PIK3R2: variants seen among roughly 807,000 people sequenced by gnomAD.
The protein encoded by PIK3R2 is phosphatidylinositol 3-kinase regulatory subunit beta.
PIK3R2 carries 40 observed loss-of-function variants against 78.5 expected under a neutral mutation model. The observed-to-expected ratio is 0.51, with a 90% confidence interval of 0.40 to 0.66. The LOEUF (loss-of-function observed/expected upper bound fraction) is 0.66, where lower values mean the gene tolerates loss of function less well. Among genes scored for constraint, PIK3R2 ranks in the 30% least tolerant of loss-of-function variants. The pLI, the probability that PIK3R2 is intolerant of heterozygous loss-of-function variation, is 0.00. For synonymous variants in PIK3R2, 473 were observed against 457.7 expected, an observed-to-expected ratio of 1.03 and a Z score of -0.43; for missense variants, 880 against 1,026.6, an observed-to-expected ratio of 0.86 and a Z score of 1.95.
In PIK3R2 at chr19:18,167,421, G is replaced by A. The variant is rs961792447; in HGVS notation, c.1736+115G>A. ...CACCAAGTGGCCCTTCCTGGGCCCC[G>A]AGACCCCTTAAACTCGGTTCCTCCC... is the stretch of plus-strand genomic sequence containing the variant. On this transcript the variant is annotated intron_variant, in intron 13 of 15. Coordinates refer to ENST00000222254, the MANE Select transcript of PIK3R2 (RefSeq NM_005027.4). This position sits in a 1 kb window ranked among gnomAD's most constrained non-coding sequence, Gnocchi z 4.5. 5.2e-5 allele frequency: 46 copies of A among 891,272 alleles called. No individual in the cohort carries two copies. Among genetic ancestry groups the A allele is most frequent in the African/African-American group, 3.0e-4 (17 of 56,978 alleles). 55.2% of individuals were successfully genotyped at this position (891,272 alleles called of 1,614,324 possible).
Position 18,167,438 on chromosome 19 carries a change from G to T in PIK3R2, c.1736+132G>T. 2.9e-6 allele frequency: 2 copies of T among 699,664 alleles called. No individual in the cohort carries two copies. The highest frequency in any genetic ancestry group is 4.3e-6 in the Non-Finnish European group (2 of 460,522). 43.3% of individuals were successfully genotyped at this position (699,664 alleles called of 1,614,324 possible). A position where few individuals can be genotyped will look rare whatever the true frequency, so the allele number is the denominator to read the frequency against. ...TGGGCCCCGAGACCCCTTAAACTCG[G>T]TTCCTCCCGGGCCCCTTGAAAGTTT... On this transcript the variant is annotated intron_variant, in intron 13 of 15. Coordinates refer to ENST00000222254, the MANE Select transcript of PIK3R2 (RefSeq NM_005027.4). This position sits in a 1 kb window ranked among gnomAD's most constrained non-coding sequence, Gnocchi z 4.5.
chr19:18,160,409 A>G, intron 2 of PIK3R2, 62 bp from the exon 3 acceptor site: 1 of 1,015,410 alleles, frequency 9.8e-7, no homozygotes, highest in Non-Finnish European at 1.6e-6. Context: ...GCCAGCAAAG[A>G]GAGGGGCTGG....
intron 2 of PIK3R2, among the ~76,000 whole-genome samples, chr19:18,159,931 A>G (rs2043723676): frequency 6.6e-6 from 1 of 152,046 alleles, no homozygotes; most frequent in South Asian, 2.1e-4. Flanking sequence ...TAGTAGAGAC[A>G]GGTTCGCCAT....
chr19:18,158,490 C>CAA (rs34121357), intron 2 of PIK3R2, among the ~76,000 whole-genome samples: 6 of 139,808 alleles, frequency 4.3e-5, no homozygotes, highest in Admixed American at 7.2e-5. Context: ...GACTCCATCT[C>CAA]AAAAAAACAA....
rs1226736150 is a variant in PIK3R2, at chr19:18,156,598, G to A, written c.322+397G>A. On this transcript the variant is annotated intron_variant, in intron 2 of 15. Coordinates refer to ENST00000222254, the MANE Select transcript of PIK3R2 (RefSeq NM_005027.4). This position sits in a 1 kb window ranked among gnomAD's most constrained non-coding sequence, Gnocchi z 4.2. ...TGCGCTGGCATGGAGGACTTAGTGG[G>A]ATTGATTTTGAGGACAATGGAGAGT... Among the ~76,000 whole-genome samples the A allele has an allele frequency of 6.6e-6, 1 of 152,174 alleles. No homozygotes were observed. Among genetic ancestry groups the A allele is most frequent in the Non-Finnish European group, 1.5e-5 (1 of 68,022 alleles).
Position 18,155,462 on chromosome 19 carries a change from C to T in PIK3R2, c.-418C>T, listed in dbSNP as rs952383348. On this transcript the variant is annotated 5_prime_UTR_variant, in exon 2 of 16. Transcript: ENST00000222254. ...CCCTATCCCTGTCTCCCTAGGTCGG[C>T]GTCCTCAGCTGGCCGAGCATGGTGG... is the stretch of plus-strand genomic sequence containing the variant. 17 of 408,320 alleles carry T rather than the reference C, an allele frequency of 4.2e-5. No individual in the cohort carries two copies. Among genetic ancestry groups the T allele is most frequent in the African/African-American group, 4.1e-5 (2 of 48,660 alleles). The allele number at this position is 408,320 out of a possible 1,614,324, so 25.3% of individuals were successfully genotyped here.
At chr19:18,164,203 C>T (rs2043783502) in intron 11 of PIK3R2, among the ~76,000 whole-genome samples, 1 of 152,106 alleles carries the variant, frequency 6.6e-6, no homozygotes, top group African/African-American at 2.4e-5. Flanking sequence ...ATGAGAAGGG[C>T]CCAACCAGCC....
In PIK3R2 at chr19:18,161,409, C is replaced by A; in HGVS notation, c.729C>A (p.Val243=). The A allele has an allele frequency of 8.2e-7, 1 of 1,215,344 alleles. No homozygotes were observed. The highest frequency in any genetic ancestry group is 3.6e-5 in the South Asian group (1 of 27,708). 75.3% of individuals were successfully genotyped at this position (1,215,344 alleles called of 1,614,324 possible). ...GCGCCCCGGCCCTGGGTCCCGCGGT[C>A]CGGGCCCTGGGCGCCACCTTTGGGC... The part of the protein sequence containing the change: ...ASRAPALGPA[V]RALGATFGPL... The change falls in exon 6 of 16, where the codon GTC becomes GTA. Residue 243 remains valine, a synonymous_variant. Transcript: ENST00000222254. The surrounding 1 kb of genome is among the most constrained non-coding windows in gnomAD (Gnocchi z 5.3).
chr19:18,162,561 A>T (rs1176684964), intron 9 of PIK3R2, 55 bp downstream of exon 9: 1 of 1,442,486 alleles, frequency 6.9e-7, no homozygotes, highest in Non-Finnish European at 9.7e-7. Flanking sequence ...AGAGACCGGG[A>T]GTTCAGAGGG....
chr19:18,162,028 A>C lies in PIK3R2; in HGVS notation c.878A>C (p.Glu293Ala). ...LVEKLLQEHL[E>A]EQEVAPPALP... ...GAGAAGCTGCTTCAGGAACACTTGG[A>C]AGAGCAGGAGGTTGCGCCCCCAGGT... The change falls in exon 7 of 16, where the codon GAA (glutamate) becomes GCA (alanine). Residue 293 changes from glutamate to alanine, a missense_variant. Transcript: ENST00000222254. 1 of 1,613,892 alleles carries C rather than the reference A, an allele frequency of 6.2e-7. No individual in the cohort carries two copies. Among genetic ancestry groups the C allele is most frequent in the Non-Finnish European group, 8.5e-7 (1 of 1,179,906 alleles).
At chr19:18,164,890 C>T (rs1424786079) in intron 11 of PIK3R2, among the ~76,000 whole-genome samples, 1 of 107,860 alleles carries the variant, frequency 9.3e-6, no homozygotes, top group Admixed American at 1.0e-4. Flanking sequence ...GCTGCCTCGG[C>T]CTCCCAAAGT....
At position 18,169,299 on chromosome 19, in the gene PIK3R2, C is replaced by G. The variant is rs1394981648; in HGVS notation, c.*5C>G. ...CCGCCGCCTGCCGCCCGCTGAGCAC[C>G]GAGGACCCGCCCCAAGCAGAGCCGC... is the stretch of plus-strand genomic sequence containing the variant. On this transcript the variant is annotated 3_prime_UTR_variant, in exon 16 of 16. Transcript: ENST00000222254. 2.1e-6 allele frequency: 3 copies of G among 1,458,268 alleles called. No homozygotes were observed. The highest frequency in any genetic ancestry group is 2.7e-6 in the Non-Finnish European group (3 of 1,111,600). The allele number at this position is 1,458,268 out of a possible 1,614,324, so 90.3% of individuals were successfully genotyped here.
chr19:18,159,848 T>C (rs957981884), intron 2 of PIK3R2, among the ~76,000 whole-genome samples: 9 of 151,930 alleles, frequency 5.9e-5, no homozygotes, highest in Admixed American at 5.9e-4. Flanking sequence ...TTCAAGCGAT[T>C]CTCCTGCCTC....
At chr19:18,162,346 T>C (rs912485718) in intron 8 of PIK3R2, 36 bp downstream of exon 8, 4 of 1,585,030 alleles carry the variant, frequency 2.5e-6, no homozygotes, top group Admixed American at 3.3e-5. Context: ...ACCAAGGAGG[T>C]GTCACAGGGT....
chr19:18,161,010 C>T lies in PIK3R2; in HGVS notation c.466+41C>T. 6.2e-7 allele frequency: 1 copy of T among 1,611,970 alleles called. No homozygotes were observed. The highest frequency in any genetic ancestry group is 1.3e-5 in the African/African-American group (1 of 75,064). On this transcript the variant is annotated intron_variant, in intron 4 of 15. Transcript: ENST00000222254. The surrounding 1 kb of genome is among the most constrained non-coding windows in gnomAD (Gnocchi z 5.3). Reference sequence around the variant, plus strand: ...AATGGGGTTGGGAGGAGGCTGGGGGCCCCAGTACACATGAGTTGGACGTGT... The same window carrying T: ...AATGGGGTTGGGAGGAGGCTGGGGGTCCCAGTACACATGAGTTGGACGTGT...
intron 15 of PIK3R2, 57 bp from the exon 16 acceptor site, chr19:18,169,030 G>C: frequency 6.3e-7 from 1 of 1,580,170 alleles, no homozygotes; most frequent in Non-Finnish European, 8.6e-7. Flanking sequence ...CCCTGGAACG[G>C]GGAAAGCTTG....
At chr19:18,164,070 G>A (rs905746711) in intron 11 of PIK3R2, among the ~76,000 whole-genome samples, 1 of 152,120 alleles carries the variant, frequency 6.6e-6, no homozygotes, top group African/African-American at 2.4e-5. Context: ...AGATTGCAAT[G>A]AGCCAAGATC....
chr19:18,162,233 G>A lies in PIK3R2; in HGVS notation c.933G>A (p.Pro311=), dbSNP rs368814816. 9 of 1,602,780 alleles carry A rather than the reference G, an allele frequency of 5.6e-6. No homozygotes were observed. The highest frequency in any genetic ancestry group is 1.7e-5 in the Admixed American group (1 of 59,814). ...ALPPKPPKAK[P]ASTVLANGGS... ...CGCCTAAACCCCCCAAGGCAAAGCC[G>A]GCCTCCACAGTCCTGGCCAATGGAG... Residue 311 remains proline (P), a synonymous_variant, in exon 8 of 16, where the codon CCG becomes CCA. Transcript: ENST00000222254.
chr19:18,160,026 G>A (rs1030370729), intron 2 of PIK3R2, among the ~76,000 whole-genome samples: 12 of 152,094 alleles, frequency 7.9e-5, no homozygotes, highest in South Asian at 2.1e-4. Context: ...GGCTTGAGCC[G>A]CCATCCTGGC....
Sources: allele counts gnomAD v4.1 joint callset (sites outside exome capture counted in the v4.1 genomes callset), GRCh38; gene constraint gnomAD v4.1.1; non-coding constraint Gnocchi (gnomAD v3.1); transcripts MANE v1.5; gene names NCBI Gene and HGNC (gene_info 2026-07-23, HGNC 2026-07-21).